PKIB: variants seen among roughly 807,000 people sequenced by gnomAD.
The protein encoded by PKIB is cAMP-dependent protein kinase inhibitor beta.
A neutral mutation model predicts 4.5 loss-of-function variants in PKIB; 2 were observed. That is an observed-to-expected ratio of 0.44 (90% confidence interval 0.18 to 1.39). The LOEUF (loss-of-function observed/expected upper bound fraction) is 1.39, where lower values mean the gene tolerates loss of function less well. Among genes scored for constraint, PKIB ranks in the 40% most tolerant of loss-of-function variants. The pLI is 0.27. For missense variants in PKIB, 94 were observed against 92.6 expected, an observed-to-expected ratio of 1.02 and a Z score of -0.06; for synonymous variants, 38 against 36.0, an observed-to-expected ratio of 1.06 and a Z score of -0.20.
At chr6:122,497,483 C>T (rs1776106778) in intron 2 of PKIB, among the ~76,000 whole-genome samples, 1 of 152,074 alleles carries the variant, frequency 6.6e-6, no homozygotes, top group African/African-American at 2.4e-5. Flanking sequence ...AGAGACTCAG[C>T]CCACATGTAA....
chr6:122,560,039 C>A (rs1173179912), intron 2 of PKIB, among the ~76,000 whole-genome samples: 1 of 152,104 alleles, frequency 6.6e-6, no homozygotes, highest in Non-Finnish European at 1.5e-5. Context: ...TTATTTCTTT[C>A]TCTTGTTTGA....
intron 2 of PKIB, among the ~76,000 whole-genome samples, chr6:122,569,322 C>G (rs75634710): frequency 0.036 from 5,433 of 152,296 alleles, 321 homozygotes; most frequent in African/African-American, 0.12. Flanking sequence ...AGCTGGTGCT[C>G]TTTTAAAGTG....
At chr6:122,618,855 G>A (rs573802815) in intron 1 of PKIB, among the ~76,000 whole-genome samples, 1 of 152,142 alleles carries the variant, frequency 6.6e-6, no homozygotes, top group South Asian at 2.1e-4. Context: ...TGCATCAGAG[G>A]ATGTTAATTT....
chr6:122,499,501 A>C (rs1318532249), intron 2 of PKIB, among the ~76,000 whole-genome samples: 1 of 152,182 alleles, frequency 6.6e-6, no homozygotes, highest in African/African-American at 2.4e-5. Flanking sequence ...CTCTTGATAA[A>C]ATCCAGCATC....
intron 3 of PKIB, among the ~76,000 whole-genome samples, chr6:122,693,126 T>C (rs111515288): frequency 6.6e-6 from 1 of 152,176 alleles, no homozygotes; most frequent in Admixed American, 6.5e-5. Flanking sequence ...CTTCTGAAAA[T>C]GTAGAACATT....
intron 3 of PKIB, among the ~76,000 whole-genome samples, chr6:122,698,662 G>A (rs1239984883): frequency 3.9e-5 from 6 of 152,182 alleles, no homozygotes; most frequent in Non-Finnish European, 7.3e-5. Context: ...GCACTAACTG[G>A]AGTGCCTGTT....
intron 2 of PKIB, among the ~76,000 whole-genome samples, chr6:122,567,970 T>C (rs1773242996): frequency 6.6e-6 from 1 of 152,178 alleles, no homozygotes; most frequent in South Asian, 2.1e-4. Flanking sequence ...TCACTCTATG[T>C]CCTTTTTTTG....
intron 1 of PKIB, chr6:122,477,780 A>G (rs1157471791): frequency 1.3e-5 from 2 of 152,184 alleles, no homozygotes; most frequent in African/African-American, 2.4e-5. Context: ...TGCGTAAAAC[A>G]CTTTGGCAAA....
At chr6:122,720,660 A>G (rs1027104561) in intron 4 of PKIB, among the ~76,000 whole-genome samples, 1 of 152,100 alleles carries the variant, frequency 6.6e-6, no homozygotes, top group African/African-American at 2.4e-5. Context: ...CTGGTGGATC[A>G]GACGGAAAAA....
chr6:122,538,745 A>C (rs1451778933), intron 2 of PKIB, among the ~76,000 whole-genome samples: 1 of 152,102 alleles, frequency 6.6e-6, no homozygotes, highest in Non-Finnish European at 1.5e-5. Context: ...TGGGGATGGC[A>C]TTGAATCTAT....
intron 3 of PKIB, among the ~76,000 whole-genome samples, chr6:122,595,934 G>A (rs750950992): frequency 9.2e-5 from 14 of 152,164 alleles, no homozygotes; most frequent in Middle Eastern, 3.2e-3. Flanking sequence ...ACTCACATGG[G>A]AAACAAATAT....
intron 1 of PKIB, among the ~76,000 whole-genome samples, chr6:122,623,300 T>G (rs982677133): frequency 6.6e-6 from 1 of 152,198 alleles, no homozygotes; most frequent in African/African-American, 2.4e-5. Flanking sequence ...AAGTTGAAAC[T>G]AATTAGCTCT....
chr6:122,592,870 G>A (rs1425074880), intron 3 of PKIB, among the ~76,000 whole-genome samples: 1 of 152,096 alleles, frequency 6.6e-6, no homozygotes, highest in Non-Finnish European at 1.5e-5. Context: ...CTGAGATGGG[G>A]TCTGAGATCT....
At chr6:122,668,532 A>C (rs555422067) in intron 2 of PKIB, among the ~76,000 whole-genome samples, 1 of 152,320 alleles carries the variant, frequency 6.6e-6, no homozygotes, top group African/African-American at 2.4e-5. Context: ...GAGAGAAAAC[A>C]ATCTTCAGAG....
intron 3 of PKIB, among the ~76,000 whole-genome samples, chr6:122,715,819 T>C (rs868463729): frequency 6.6e-6 from 1 of 152,006 alleles, no homozygotes; most frequent in Non-Finnish European, 1.5e-5. Flanking sequence ...TTTGAAGAGA[T>C]AATTTTGTGA....
At chr6:122,543,133 A>C (rs1777660397) in intron 2 of PKIB, among the ~76,000 whole-genome samples, 1 of 152,016 alleles carries the variant, frequency 6.6e-6, no homozygotes, top group South Asian at 2.1e-4. Context: ...TTCTTTGACT[A>C]GGAAAGGGAA....
At chr6:122,553,073 A>T (rs1340594979) in intron 2 of PKIB, among the ~76,000 whole-genome samples, 1 of 151,952 alleles carries the variant, frequency 6.6e-6, no homozygotes, top group Non-Finnish European at 1.5e-5. Flanking sequence ...AAATTACTGC[A>T]TTCAATTTGT....
intron 2 of PKIB, among the ~76,000 whole-genome samples, chr6:122,542,678 G>C (rs1039969324): frequency 1.3e-5 from 2 of 152,122 alleles, no homozygotes; most frequent in African/African-American, 4.8e-5. Flanking sequence ...ACCCACTTGA[G>C]GAGGCAGTCT....
chr6:122,539,386 C>A (rs1411422452), intron 2 of PKIB, among the ~76,000 whole-genome samples: 1 of 152,026 alleles, frequency 6.6e-6, no homozygotes, highest in Non-Finnish European at 1.5e-5. Flanking sequence ...TAGTTTTTAG[C>A]ATGAAGCATT....
Sources: gnomAD v4.1 joint callset for allele counts (sites outside exome capture counted in the v4.1 genomes callset) on GRCh38, gnomAD v4.1.1 for gene constraint, MANE v1.5 for transcripts, NCBI Gene and HGNC (gene_info 2026-07-23, HGNC 2026-07-21) for gene names.